EBF1: variants seen among roughly 807,000 people sequenced by gnomAD.
EBF1 encodes the protein transcription factor COE1.
A neutral mutation model predicts 68.4 loss-of-function variants in EBF1; 10 were observed. That is an observed-to-expected ratio of 0.15 (90% CI 0.09 to 0.25). EBF1 has a LOEUF of 0.25. Ranked by LOEUF, EBF1 falls within the 10% of genes least tolerant of loss-of-function variation. The probability of loss-of-function intolerance (pLI) is 1.00; values close to 1 mark genes in which losing one functional copy is unlikely to be tolerated. For synonymous variants in EBF1, 298 were observed against 299.8 expected (o/e 0.99, Z 0.06); for missense variants, 509 against 794.4 (o/e 0.64, Z 4.32).
At chr5:158,906,866 T>A (rs1445632450) in intron 6 of EBF1, among the ~76,000 whole-genome samples, 1 of 152,220 alleles carries the variant, frequency 6.6e-6, no homozygotes, top group Non-Finnish European at 1.5e-5. Flanking sequence ...TGCTCTCACA[T>A]CCTTTATTGT....
chr5:158,955,599 T>G lies in EBF1; in HGVS notation c.555-115489A>C, dbSNP rs150365153. Among the ~76,000 whole-genome samples, 10 of 152,344 alleles carry G rather than the reference T, an allele frequency of 6.6e-5. No homozygotes were observed. The East Asian group carries it at 1.9e-3, about 29-fold the overall frequency. On this transcript the variant is annotated intron_variant, in intron 6 of 15. Transcript: ENST00000313708. ...TTCCATCCCATTCTTAATTGTCACT[T>G]TGGAAGACTGCTTGAGAGCATTTGC...
intron 10 of EBF1, among the ~76,000 whole-genome samples, chr5:158,737,310 G>A: frequency 9.5e-6 from 1 of 105,594 alleles, no homozygotes; most frequent in African/African-American, 3.9e-5. Flanking sequence ...TTGAGACGGA[G>A]TCTCGCTCCG....
intron 6 of EBF1, among the ~76,000 whole-genome samples, chr5:158,988,993 C>T (rs1002993492): frequency 1.3e-5 from 2 of 152,186 alleles, no homozygotes; most frequent in Non-Finnish European, 2.9e-5. Context: ...TCTTGCCCAC[C>T]GCAGGCTTAG....
chr5:158,862,499 A>G (rs1795131158), intron 6 of EBF1, among the ~76,000 whole-genome samples: 1 of 152,210 alleles, frequency 6.6e-6, no homozygotes, highest in Admixed American at 6.5e-5. Context: ...AGAAGTAACT[A>G]CAAATGAAGG....
intron 11 of EBF1, among the ~76,000 whole-genome samples, chr5:158,721,708 T>C (rs535585755): frequency 2.0e-5 from 3 of 152,258 alleles, no homozygotes; most frequent in Non-Finnish European, 4.4e-5. Flanking sequence ...GACAGCTGAC[T>C]TTACTATGAT....
chr5:159,022,870 A>G (rs1766990092), intron 6 of EBF1, among the ~76,000 whole-genome samples: 1 of 152,184 alleles, frequency 6.6e-6, no homozygotes, highest in African/African-American at 2.4e-5. Flanking sequence ...ATGCAAGAAA[A>G]TGCAAGAAGA....
chr5:158,967,457 C>A (rs1036868100), intron 6 of EBF1, among the ~76,000 whole-genome samples: 1 of 152,170 alleles, frequency 6.6e-6, no homozygotes, highest in African/African-American at 2.4e-5. Context: ...TAGTGCTACT[C>A]CCATACCCAC....
At chr5:159,011,505 G>A (rs867842168) in intron 6 of EBF1, among the ~76,000 whole-genome samples, 3 of 152,170 alleles carry the variant, frequency 2.0e-5, no homozygotes, top group African/African-American at 7.2e-5. Flanking sequence ...GGTAAGTTTG[G>A]GGGGCTGGTT....
intron 6 of EBF1, among the ~76,000 whole-genome samples, chr5:158,848,116 C>A (rs374127263): frequency 6.6e-6 from 1 of 152,162 alleles, no homozygotes; most frequent in Non-Finnish European, 1.5e-5. Flanking sequence ...TTACTCTGTA[C>A]AACAGTCCTA....
intron 6 of EBF1, among the ~76,000 whole-genome samples, chr5:159,072,431 G>A (rs1052724243): frequency 5.9e-5 from 9 of 151,356 alleles, no homozygotes; most frequent in Non-Finnish European, 1.2e-4. Context: ...TTTTTCTTTT[G>A]TTGTTGTTGT....
rs1804527398 is a variant in EBF1, at chr5:158,906,097, G to A, written c.555-65987C>T. Reference sequence around the variant, plus strand: ...ACCTAGGTCCCAGCTTTACCATGAGGGGAAGGTGGTTCGATAGGGAAAGAG... The same window carrying A: ...ACCTAGGTCCCAGCTTTACCATGAGAGGAAGGTGGTTCGATAGGGAAAGAG... On this transcript the variant is annotated intron_variant, in intron 6 of 15. Transcript: ENST00000313708. Among the ~76,000 whole-genome samples the A allele has an allele frequency of 2.0e-5, 3 of 151,870 alleles. No individual in the cohort carries two copies. The South Asian group carries it at 6.2e-4, about 32-fold the overall frequency.
chr5:159,045,940 A>G (rs1015476514), intron 6 of EBF1, among the ~76,000 whole-genome samples: 1 of 152,178 alleles, frequency 6.6e-6, no homozygotes, highest in Non-Finnish European at 1.5e-5. Context: ...TCAGCTCCCC[A>G]TAGCCTATCT....
intron 8 of EBF1, among the ~76,000 whole-genome samples, chr5:158,802,144 T>G (rs575253540): frequency 9.9e-5 from 15 of 152,242 alleles, no homozygotes; most frequent in Admixed American, 9.8e-4. Flanking sequence ...GCTGCTCTTA[T>G]TTTTCCTTCT....
At chr5:158,963,135 T>C (rs1423291754) in intron 6 of EBF1, among the ~76,000 whole-genome samples, 2 of 152,192 alleles carry the variant, frequency 1.3e-5, no homozygotes, top group African/African-American at 4.8e-5. Context: ...TTACAGACTG[T>C]GGAGGTCCAG....
intron 5 of EBF1, among the ~76,000 whole-genome samples, chr5:159,079,025 C>T (rs142395301): frequency 6.6e-6 from 1 of 152,148 alleles, no homozygotes; most frequent in Non-Finnish European, 1.5e-5. Flanking sequence ...AAACAAGATG[C>T]CTTACCTATT....
intron 6 of EBF1, among the ~76,000 whole-genome samples, chr5:158,970,604 C>A (rs943366700): frequency 6.6e-6 from 1 of 152,188 alleles, no homozygotes; most frequent in African/African-American, 2.4e-5. Context: ...TGACTCACAT[C>A]AGATTTTAAT....
At chr5:158,728,764 G>A (rs1650160654) in intron 11 of EBF1, among the ~76,000 whole-genome samples, 1 of 152,074 alleles carries the variant, frequency 6.6e-6, no homozygotes, top group Admixed American at 6.6e-5. Flanking sequence ...AGGGTTTTGT[G>A]ATGGTACCCA....
intron 6 of EBF1, among the ~76,000 whole-genome samples, chr5:159,071,866 T>C (rs1385335252): frequency 6.6e-6 from 1 of 152,194 alleles, no homozygotes; most frequent in Non-Finnish European, 1.5e-5. Context: ...TTTGGGCTGG[T>C]CCTTTGATCC....
intron 9 of EBF1, among the ~76,000 whole-genome samples, chr5:158,792,824 C>T (rs971120339): frequency 2.0e-5 from 3 of 152,060 alleles, no homozygotes; most frequent in Non-Finnish European, 4.4e-5. Flanking sequence ...CCAGTGGTGC[C>T]GATCACAAAC....
Sources: allele counts gnomAD v4.1 joint callset (sites outside exome capture counted in the v4.1 genomes callset), GRCh38; gene constraint gnomAD v4.1.1; transcripts MANE v1.5; gene names NCBI Gene and HGNC (gene_info 2026-07-23, HGNC 2026-07-21).